PPP2R5C: variants seen among roughly 807,000 people sequenced by gnomAD.
PPP2R5C encodes protein phosphatase 2 regulatory subunit B'gamma, also known as serine/threonine-protein phosphatase 2A 56 kDa regulatory subunit gamma isoform.
Under a neutral mutation model 68.9 loss-of-function variants are expected in PPP2R5C, and 7 were observed. The observed-to-expected ratio is 0.10, with a 90% confidence interval of 0.06 to 0.19. The LOEUF is 0.19. Ranked by LOEUF, PPP2R5C falls within the 10% of genes least tolerant of loss-of-function variation. PPP2R5C has a pLI of 1.00. For synonymous variants in PPP2R5C, 210 were observed against 222.2 expected, an observed-to-expected ratio of 0.95 and a Z score of 0.49; for missense variants, 348 against 641.3, an observed-to-expected ratio of 0.54 and a Z score of 4.94.
At chr14:101,776,217 T>C (rs1341852861) in intron 2 of PPP2R5C, among the ~76,000 whole-genome samples, 3 of 151,974 alleles carry the variant, frequency 2.0e-5, no homozygotes, top group South Asian at 4.2e-4. Context: ...GTTTGAAAAA[T>C]AATTTCCCAT....
At chr14:101,765,308 G>T (rs2036794435) in intron 2 of PPP2R5C, 1 of 700,984 alleles carries the variant, frequency 1.4e-6, no homozygotes, top group Non-Finnish European at 2.6e-6. Flanking sequence ...TGTTTTTCAG[G>T]AATACAAGTT....
At chr14:101,867,693 G>C (rs1478939379) in intron 2 of PPP2R5C, among the ~76,000 whole-genome samples, 1 of 152,088 alleles carries the variant, frequency 6.6e-6, no homozygotes, top group Non-Finnish European at 1.5e-5. Context: ...CAGAAGGATT[G>C]CTGGAACCCT....
At chr14:101,828,888 A>G (rs1729790067) in intron 1 of PPP2R5C, among the ~76,000 whole-genome samples, 1 of 152,144 alleles carries the variant, frequency 6.6e-6, no homozygotes, top group Admixed American at 6.5e-5. Flanking sequence ...TATGCTGGCC[A>G]GGCTGTTCTC....
At chr14:101,844,366 C>G (rs1245716174) in intron 1 of PPP2R5C, among the ~76,000 whole-genome samples, 1 of 152,126 alleles carries the variant, frequency 6.6e-6, no homozygotes, top group Admixed American at 6.5e-5. Flanking sequence ...GCACACAGTT[C>G]TGATATCGTG....
In PPP2R5C at chr14:101,815,741, C is replaced by T. The variant is rs140283717; in HGVS notation, c.94+5705C>T. On this transcript the variant is annotated intron_variant, in intron 1 of 13. Transcript: ENST00000334743. ...CTGGGGTGCAGTGGCGTGATCTCGG[C>T]TCACTGCAACCTCTGCCTCCCAGGT... is the stretch of plus-strand genomic sequence containing the variant. Among the ~76,000 whole-genome samples, 1,316 of 152,334 alleles carry T rather than the reference C, an allele frequency of 8.6e-3. 8 individuals carry two copies. Among genetic ancestry groups the T allele is most frequent in the Middle Eastern group, 0.02 (6 of 294 alleles).
At chr14:101,765,322 A>G in intron 2 of PPP2R5C, 4 of 699,170 alleles carry the variant, frequency 5.7e-6, no homozygotes, top group Non-Finnish European at 1.0e-5. Flanking sequence ...ACAAGTTGGG[A>G]CACTTCTGTT....
At chr14:101,869,403 C>T (rs896899421) in intron 2 of PPP2R5C, among the ~76,000 whole-genome samples, 8 of 152,004 alleles carry the variant, frequency 5.3e-5, no homozygotes, top group African/African-American at 1.2e-4. Context: ...ACTTACATAC[C>T]GATTTTAGAC....
At chr14:101,823,200 A>G (rs1260099245) in intron 1 of PPP2R5C, among the ~76,000 whole-genome samples, 1 of 152,252 alleles carries the variant, frequency 6.6e-6, no homozygotes, top group East Asian at 1.9e-4. Flanking sequence ...GGGACCTATC[A>G]GCCAAGCTAA....
intron 5 of PPP2R5C, 150 bp downstream of exon 7, chr14:101,883,712 TG>T: frequency 9.7e-7 from 1 of 1,035,624 alleles, no homozygotes; most frequent in Non-Finnish European, 1.4e-6. Context: ...TGGACCCCCT[TG>T]TGCACTGTGT....
chr14:101,865,969 C>G (rs562931615), intron 2 of PPP2R5C, among the ~76,000 whole-genome samples: 9 of 152,298 alleles, frequency 5.9e-5, no homozygotes, highest in African/African-American at 2.2e-4. Context: ...GGCGTAATCT[C>G]GGCTCACTGC....
At chr14:101,901,577 C>A in intron 8 of PPP2R5C, 142 bp from the exon 11 acceptor site, 1 of 758,832 alleles carries the variant, frequency 1.3e-6, no homozygotes, top group Non-Finnish European at 2.2e-6. Flanking sequence ...GACTGAGTCA[C>A]TGTTCCCTCT....
intron 1 of PPP2R5C, among the ~76,000 whole-genome samples, chr14:101,856,261 GC>G (rs1246506423): frequency 6.6e-6 from 1 of 152,154 alleles, no homozygotes; most frequent in Non-Finnish European, 1.5e-5. Context: ...TTTTTACCCT[GC>G]CTGAACCTAA....
chr14:101,827,834 A>G (rs2040487394), intron 1 of PPP2R5C, among the ~76,000 whole-genome samples: 2 of 152,202 alleles, frequency 1.3e-5, no homozygotes, highest in South Asian at 4.1e-4. Context: ...GTTTTCCATT[A>G]AGCTAAATTT....
chr14:101,900,510 C>T (rs1406724115), intron 8 of PPP2R5C, among the ~76,000 whole-genome samples: 2 of 152,338 alleles, frequency 1.3e-5, no homozygotes. Flanking sequence ...TGCTCTAACG[C>T]ACCGGATTGC....
intron 3 of PPP2R5C, among the ~76,000 whole-genome samples, chr14:101,795,169 T>C (rs1006845307): frequency 2.0e-5 from 3 of 152,196 alleles, no homozygotes; most frequent in African/African-American, 7.2e-5. Context: ...GTTATCGTTG[T>C]TGTTCACATC....
At chr14:101,833,591 G>C (rs1006381296) in intron 1 of PPP2R5C, 3 of 152,162 alleles carry the variant, frequency 2.0e-5, no homozygotes, top group African/African-American at 7.2e-5. Context: ...TTGCGATTTT[G>C]TAAAGGATGC....
chr14:101,872,181 G>T (rs1595433169), intron 2 of PPP2R5C, among the ~76,000 whole-genome samples: 1 of 141,738 alleles, frequency 7.1e-6, no homozygotes, highest in East Asian at 2.1e-4. Context: ...AATTCTTTTA[G>T]CTTTCGTGTA....
At chr14:101,832,435 AGT>A (rs1344553523) in intron 1 of PPP2R5C, among the ~76,000 whole-genome samples, 3 of 152,196 alleles carry the variant, frequency 2.0e-5, no homozygotes, top group African/African-American at 7.2e-5. Context: ...CTTAGTAAAA[AGT>A]GTATCCATTT....
At chr14:101,818,904 T>A in intron 1 of PPP2R5C, 2 of 1,035,226 alleles carry the variant, frequency 1.9e-6, no homozygotes, top group Non-Finnish European at 2.9e-6. Flanking sequence ...CATGGATTTT[T>A]GTCTGCTGGT....
Sources: allele counts gnomAD v4.1 joint callset (sites outside exome capture counted in the v4.1 genomes callset), GRCh38; gene constraint gnomAD v4.1.1; transcripts MANE v1.5; gene names NCBI Gene and HGNC (gene_info 2026-07-23, HGNC 2026-07-21).